CES5A: variants seen among roughly 807,000 people sequenced by gnomAD.
CES5A encodes the protein carboxylesterase 5A.
CES5A carries 67 observed loss-of-function variants against 62.9 expected under a neutral mutation model. The ratio of observed to expected loss-of-function variants is 1.07; its 90% confidence interval spans 0.88 to 1.31. The LOEUF is 1.31. Among genes scored for constraint, CES5A ranks in the 50% most tolerant of loss-of-function variants. CES5A has a pLI of 0.00. For missense variants in CES5A, 748 were observed against 708.5 expected, an observed-to-expected ratio of 1.06 and a Z score of -0.63; for synonymous variants, 296 against 280.8, an observed-to-expected ratio of 1.05 and a Z score of -0.54.
Position 55,866,157 on chromosome 16 carries a change from G to C in CES5A, c.552-41C>G, listed in dbSNP as rs760512453. The stretch of plus-strand genomic sequence containing the variant: ...AGGGTGAGAATTCTTGGTCAGCCAT[G>C]GTGTGTTTCCCACAGCCCTGGAAGT... On this transcript the variant is annotated intron_variant, in intron 4 of 12. Coordinates refer to ENST00000290567, the MANE Select transcript of CES5A (RefSeq NM_001143685.2). 8.2e-6 allele frequency: 13 copies of C among 1,584,656 alleles called. No homozygotes were observed. In the South Asian group the frequency reaches 1.5e-4, roughly 18 times the overall value.
intron 10 of CES5A, among the ~76,000 whole-genome samples, chr16:55,850,872 T>C (rs1401647929): frequency 2.0e-5 from 3 of 148,968 alleles, no homozygotes; most frequent in African/African-American, 7.4e-5. Context: ...GGTTTCTCTA[T>C]GTCCTTCACA....
At chr16:55,955,737 G>T in intron 1 of CES5A, 1 of 1,268,378 alleles carries the variant, frequency 7.9e-7, no homozygotes, top group Non-Finnish European at 1.1e-6. Flanking sequence ...GACCCAGAGA[G>T]ACAAAGTTGG....
chr16:55,875,408 G>T, upstream of CES5A: 2 of 1,352,996 alleles, frequency 1.5e-6, no homozygotes, highest in Non-Finnish European at 1.9e-6. Context: ...AGACTTTCCT[G>T]TTCTGATTTA....
rs189511420 is a variant in CES5A, at chr16:55,853,217, G to A, written c.1126-189C>T. ...GATTAAGAAACTGAGGCTTAGAGAG[G>A]TGAAGTGGTTGGGTCCAACTGGAAG... On this transcript the variant is annotated intron_variant, in intron 9 of 12. Transcript: ENST00000290567. 5.9e-5 allele frequency among the ~76,000 whole-genome samples: 9 copies of A among 152,314 alleles called. No homozygotes were observed. In the East Asian group the frequency reaches 1.7e-3, roughly 29 times the overall value.
chr16:55,921,771 T>A (rs1367645968), intron 1 of CES5A, among the ~76,000 whole-genome samples: 1 of 151,704 alleles, frequency 6.6e-6, no homozygotes, highest in Admixed American at 6.6e-5. Flanking sequence ...ATAACTCTAG[T>A]ATGGAGGCCA....
At chr16:55,953,228 G>T (rs895385091) in intron 1 of CES5A, among the ~76,000 whole-genome samples, 1 of 152,098 alleles carries the variant, frequency 6.6e-6, no homozygotes, top group Non-Finnish European at 1.5e-5. Context: ...AGTGTACATC[G>T]TAGTTATGGT....
At chr16:55,942,932 T>C (rs1452187158) in intron 2 of CES5A, among the ~76,000 whole-genome samples, 1 of 152,200 alleles carries the variant, frequency 6.6e-6, no homozygotes, top group African/African-American at 2.4e-5. Context: ...TGGGCGATTT[T>C]GTCTATGTCA....
intron 8 of CES5A, among the ~76,000 whole-genome samples, chr16:55,858,720 A>G (rs1458239947): frequency 2.0e-5 from 3 of 152,218 alleles, no homozygotes; most frequent in Non-Finnish European, 4.4e-5. Flanking sequence ...AAGGAGGCCA[A>G]TCTATATAAA....
At chr16:55,865,612 A>T (rs879534411) in intron 5 of CES5A, among the ~76,000 whole-genome samples, 1 of 152,236 alleles carries the variant, frequency 6.6e-6, no homozygotes, top group African/African-American at 2.4e-5. Context: ...AAATATTTAC[A>T]TGTATCTTTT....
rs138046254 is a variant in CES5A, at chr16:55,895,250, G to A, written c.-255-21213C>T. Among the ~76,000 whole-genome samples the A allele has an allele frequency of 1.1e-3, 175 of 152,252 alleles. 1 individual carries two copies. The East Asian group carries it at 0.016, about 14-fold the overall frequency. On this transcript the variant is annotated intron_variant, in intron 1 of 12. Transcript: ENST00000518005. ...AAAGAAATCTCTGTCAAATTACTAC[G>A]TGACTACTAAGCTAACCAAAGACTT...
In CES5A at chr16:55,893,116, G is replaced by C. The variant is rs187426515; in HGVS notation, c.-255-19079C>G. Among the ~76,000 whole-genome samples the C allele has an allele frequency of 3.8e-3, 573 of 152,226 alleles. 4 individuals are homozygous for C. Among genetic ancestry groups the C allele is most frequent in the African/African-American group, 0.012 (495 of 41,524 alleles). ...GTAGCACTGAGAAGCTGAGGGAAGG[G>C]CTAGAAAACAGAAAGAAATTTTGTA... On this transcript the variant is annotated intron_variant, in intron 1 of 12. Transcript: ENST00000518005.
chr16:55,922,991 A>T (rs1400476599), intron 1 of CES5A, among the ~76,000 whole-genome samples: 1 of 151,882 alleles, frequency 6.6e-6, no homozygotes, highest in African/African-American at 2.4e-5. Context: ...ATTGAAAAAA[A>T]TGAAAATGAA....
chr16:55,955,693 A>G, intron 1 of CES5A: 1 of 775,372 alleles, frequency 1.3e-6, no homozygotes, highest in African/African-American at 1.7e-5. Context: ...TTCTCCTGGC[A>G]GTCAAGGTAT....
At chr16:55,867,739 C>T (rs115693691) in intron 4 of CES5A, among the ~76,000 whole-genome samples, 3,084 of 152,322 alleles carry the variant, frequency 0.02, 80 homozygotes, top group African/African-American at 0.064. Flanking sequence ...ATCTGGGTGA[C>T]CTTGGGCAAA....
intron 2 of CES5A, among the ~76,000 whole-genome samples, chr16:55,944,997 G>A (rs759529712): frequency 2.6e-5 from 4 of 152,116 alleles, no homozygotes; most frequent in South Asian, 4.1e-4. Flanking sequence ...TGCTATATGC[G>A]TGATTTGAAC....
intron 8 of CES5A, among the ~76,000 whole-genome samples, chr16:55,857,829 G>A (rs535847097): frequency 6.6e-6 from 1 of 152,288 alleles, no homozygotes; most frequent in Non-Finnish European, 1.5e-5. Flanking sequence ...CACAGATGAA[G>A]GAATGGAAGC....
rs1222204232 is a variant in CES5A at position 55,938,781 on chromosome 16, T to A, written c.160+11004A>T. 4.3e-5 allele frequency among the ~76,000 whole-genome samples: 4 copies of A among 93,130 alleles called. No individual in the cohort carries two copies. The South Asian group carries it at 1.1e-3, about 26-fold the overall frequency. 61.1% of individuals were successfully genotyped at this position (93,130 alleles called of 152,430 possible). On this transcript the variant is annotated intron_variant, in intron 2 of 13. Coordinates refer to the CES5A transcript ENST00000521992. ...AAAAAAAAAAATATATATATATATA[T>A]ATATATATATATATATACACACATA...
chr16:55,881,550 C>A (rs1324493298), intron 1 of CES5A, among the ~76,000 whole-genome samples: 2 of 152,172 alleles, frequency 1.3e-5, no homozygotes, highest in African/African-American at 4.8e-5. Flanking sequence ...ACCCATGAAG[C>A]AGGGACATGA....
rs1340557889 is a variant in CES5A at position 55,868,025 on chromosome 16, A to G, written c.551+1586T>C. ...GAGGTTCCTGGTACACTACTCTGTG[A>G]AAGGTACTCCTGGTCCTCAATCTGT... On this transcript the variant is annotated intron_variant, in intron 4 of 12. Transcript: ENST00000290567. Among the ~76,000 whole-genome samples the G allele has an allele frequency of 3.9e-5, 6 of 152,108 alleles. No individual in the cohort carries two copies. In the East Asian group the frequency reaches 9.7e-4, roughly 24 times the overall value.
Sources: gnomAD v4.1 joint callset for allele counts (sites outside exome capture counted in the v4.1 genomes callset) on GRCh38, gnomAD v4.1.1 for gene constraint, MANE v1.5 for transcripts, NCBI Gene and HGNC (gene_info 2026-07-23, HGNC 2026-07-21) for gene names.